EBF2: variants seen among roughly 807,000 people sequenced by gnomAD.
EBF2 encodes the protein transcription factor COE2.
In EBF2, 21 loss-of-function variants were observed where a neutral mutation model predicts 72.8. That is an observed-to-expected ratio of 0.29 (90% CI 0.20 to 0.42). EBF2 has a LOEUF of 0.42. Among genes scored for constraint, EBF2 ranks in the 10% least tolerant of loss-of-function variants. The pLI is 1.00. For synonymous variants in EBF2, 299 were observed against 274.2 expected (o/e 1.09, Z -0.89); for missense variants, 637 against 731.2 (o/e 0.87, Z 1.49).
chr8:26,033,121 C>A lies in EBF2; in HGVS notation c.515G>T (p.Arg172Leu). Residue 172 changes from arginine (R) to leucine (L), a missense_variant, in exon 6 of 16, where the codon CGA becomes CTA. Around this residue, in one of 3 missense-constraint regions of EBF2, gnomAD observed 204 missense variants for 301.2 expected, o/e 0.68. Coordinates refer to ENST00000520164, the MANE Select transcript of EBF2 (RefSeq NM_022659.4). ...RCCEKKSCGN[R>L]NETPSDPVII... ...GACTGGGTCCGATGGAGTCTCATTTCGGTTTCCACAGCTTTTCTTTTCGCA... is the reference window on the plus strand; with the variant it reads ...GACTGGGTCCGATGGAGTCTCATTTAGGTTTCCACAGCTTTTCTTTTCGCA... 1 of 1,614,152 alleles carries A rather than the reference C, an allele frequency of 6.2e-7. No individual in the cohort carries two copies.
intron 7 of EBF2, among the ~76,000 whole-genome samples, chr8:25,893,365 C>T (rs1802815409): frequency 6.7e-6 from 1 of 148,202 alleles, no homozygotes; most frequent in Admixed American, 6.7e-5. Context: ...CAGCTTACCA[C>T]AACCTCTGCC....
chr8:25,950,197 C>T (rs114670238), intron 6 of EBF2, among the ~76,000 whole-genome samples: 2,830 of 152,312 alleles, frequency 0.019, 95 homozygotes, highest in African/African-American at 0.063. Context: ...AGAATGTTCG[C>T]TAGATTACAT....
chr8:25,935,026 A>G (rs1463068896), intron 6 of EBF2, among the ~76,000 whole-genome samples: 1 of 152,144 alleles, frequency 6.6e-6, no homozygotes, highest in Non-Finnish European at 1.5e-5. Flanking sequence ...TCTCGCCAGG[A>G]GTGTGGGTGG....
chr8:26,034,699 T>A (rs890015018), intron 5 of EBF2, among the ~76,000 whole-genome samples: 2 of 152,238 alleles, frequency 1.3e-5, no homozygotes, highest in Admixed American at 1.3e-4. Context: ...TCAACTATAG[T>A]TGGCTAAGGA....
At chr8:25,977,576 A>T (rs1804290722) in intron 6 of EBF2, among the ~76,000 whole-genome samples, 1 of 152,170 alleles carries the variant, frequency 6.6e-6, no homozygotes, top group African/African-American at 2.4e-5. Context: ...AGAAGAAGAG[A>T]AAGAAAGGAA....
intron 6 of EBF2, among the ~76,000 whole-genome samples, chr8:25,926,339 G>T (rs1357729444): frequency 6.6e-6 from 1 of 152,130 alleles, no homozygotes; most frequent in Non-Finnish European, 1.5e-5. Flanking sequence ...TGGAAACATT[G>T]TGTCGGGCCT....
chr8:25,867,020 A>C (rs569788415), intron 10 of EBF2, among the ~76,000 whole-genome samples: 13 of 152,324 alleles, frequency 8.5e-5, no homozygotes, highest in Admixed American at 5.9e-4. Context: ...AAATTCAGAT[A>C]TAACCATTAA....
chr8:25,945,339 G>A (rs984910985), intron 6 of EBF2, among the ~76,000 whole-genome samples: 2 of 152,056 alleles, frequency 1.3e-5, no homozygotes, highest in African/African-American at 4.8e-5. Context: ...AAAATTTCTA[G>A]CATTTCTTCC....
intron 6 of EBF2, among the ~76,000 whole-genome samples, chr8:25,961,273 G>A (rs997953883): frequency 1.2e-4 from 19 of 152,076 alleles, no homozygotes; most frequent in Admixed American, 4.6e-4. Flanking sequence ...TAAAAGATAG[G>A]AATTCCATTT....
chr8:26,031,127 T>C (rs1330588486), intron 6 of EBF2, among the ~76,000 whole-genome samples: 1 of 152,176 alleles, frequency 6.6e-6, no homozygotes, highest in East Asian at 1.9e-4. Flanking sequence ...ACAGGGTGTT[T>C]ATTACGAAAA....
chr8:26,024,278 A>G (rs888044289), intron 6 of EBF2, among the ~76,000 whole-genome samples: 2 of 152,090 alleles, frequency 1.3e-5, no homozygotes, highest in Non-Finnish European at 2.9e-5. Context: ...GATCTTCCAG[A>G]GTGCTTATCC....
At chr8:25,938,809 C>G (rs1188467728) in intron 6 of EBF2, among the ~76,000 whole-genome samples, 1 of 152,106 alleles carries the variant, frequency 6.6e-6, no homozygotes. Flanking sequence ...AATTTCATTA[C>G]TTGGAAAATA....
intron 6 of EBF2, among the ~76,000 whole-genome samples, chr8:26,002,867 CAGGCGGG>C (rs1271931439): frequency 7.0e-5 from 6 of 86,126 alleles, no homozygotes; most frequent in African/African-American, 1.6e-4. Flanking sequence ...GGCAGGCGGG[CAGGCGGG>C]CAGGCGGGCA....
In EBF2 at chr8:25,843,385, G is replaced by A. The variant is rs1182798578; in HGVS notation, c.*1224C>T. 3.3e-5 allele frequency: 5 copies of A among 152,236 alleles called. No homozygotes were observed. Among genetic ancestry groups the A allele is most frequent in the African/African-American group, 1.2e-4 (5 of 41,446 alleles). 9.4% of individuals were successfully genotyped at this position (152,236 alleles called of 1,614,324 possible). The stretch of plus-strand genomic sequence containing the variant: ...TGGATGTTCTAAGACTGACTCTAAA[G>A]AGTCCATCAAACAGAGTTATCTTCT... On this transcript the variant is annotated 3_prime_UTR_variant, in exon 16 of 16. Coordinates refer to ENST00000520164, the MANE Select transcript of EBF2 (RefSeq NM_022659.4).
At chr8:25,895,536 G>T (rs1802852062) in intron 7 of EBF2, among the ~76,000 whole-genome samples, 1 of 152,172 alleles carries the variant, frequency 6.6e-6, no homozygotes, top group Admixed American at 6.5e-5. Context: ...ATACAAGAAA[G>T]TTTTAAGAAC....
At chr8:25,979,064 C>T (rs1204438385) in intron 6 of EBF2, among the ~76,000 whole-genome samples, 1 of 152,106 alleles carries the variant, frequency 6.6e-6, no homozygotes, top group African/African-American at 2.4e-5. Context: ...GTGAAGGATC[C>T]ACATAGAAAA....
chr8:25,980,787 C>CAAA (rs34271943), intron 6 of EBF2, among the ~76,000 whole-genome samples: 51 of 67,140 alleles, frequency 7.6e-4, no homozygotes, highest in South Asian at 3.7e-3. Flanking sequence ...GAGGCCACCA[C>CAAA]AAAAAAAAAA....
At chr8:25,907,531 GAA>G (rs1270000060) in intron 7 of EBF2, among the ~76,000 whole-genome samples, 3 of 150,646 alleles carry the variant, frequency 2.0e-5, no homozygotes, top group Non-Finnish European at 4.4e-5. Flanking sequence ...CAGTGTGCTG[GAA>G]AGAGTTTGAT....
rs547230951 is a variant in EBF2, at chr8:25,929,020, G to T, written c.552-20465C>A. ...TCTCCACACTCAATAACCAGGAGTT[G>T]TATTATATTATTATAATCAGTTCAA... On this transcript the variant is annotated intron_variant, in intron 6 of 15. Coordinates refer to ENST00000520164, the MANE Select transcript of EBF2 (RefSeq NM_022659.4). 5.3e-5 allele frequency among the ~76,000 whole-genome samples: 8 copies of T among 152,304 alleles called. No individual in the cohort carries two copies. The South Asian group carries it at 1.5e-3, about 28-fold the overall frequency.
Sources: gnomAD v4.1 joint callset for allele counts (sites outside exome capture counted in the v4.1 genomes callset) on GRCh38, gnomAD v4.1.1 for gene constraint, gnomAD v4.1.1 regional missense constraint, MANE v1.5 for transcripts, NCBI Gene and HGNC (gene_info 2026-07-23, HGNC 2026-07-21) for gene names.